Variants in RNF24 observed in about 807,000 individuals in gnomAD.
RNF24 encodes the protein ring finger protein 24.
A neutral mutation model predicts 20.0 loss-of-function variants in RNF24; 14 were observed. The ratio of observed to expected loss-of-function variants is 0.70; its 90% CI spans 0.46 to 1.10. RNF24 has a LOEUF of 1.10. Among genes scored for constraint, RNF24 ranks in the 50% least tolerant of loss-of-function variants. RNF24 has a pLI of 0.00. For synonymous variants in RNF24, 45 were observed against 61.1 expected (o/e 0.74, Z 1.23); for missense variants, 124 against 177.6 (o/e 0.70, Z 1.71).
At chr20:3,992,861 T>C (rs565597233) in intron 1 of RNF24, among the ~76,000 whole-genome samples, 4 of 152,356 alleles carry the variant, frequency 2.6e-5, no homozygotes, top group African/African-American at 7.2e-5. Context: ...TTGTATTAAA[T>C]AGACTACAGT....
chr20:3,987,176 TA>T (rs764870929), intron 1 of RNF24, among the ~76,000 whole-genome samples: 8 of 152,128 alleles, frequency 5.3e-5, no homozygotes, highest in African/African-American at 1.2e-4. Context: ...GAATATGGGT[TA>T]GGGGGAAACA....
chr20:3,953,759 G>T (rs1414582834), intron 2 of RNF24, among the ~76,000 whole-genome samples: 6 of 138,608 alleles, frequency 4.3e-5, no homozygotes, highest in African/African-American at 5.3e-5. Context: ...TCTTGTAGTA[G>T]TTTTTTTTTT....
chr20:3,939,928 G>A (rs796262628), intron 4 of RNF24, among the ~76,000 whole-genome samples: 2 of 151,580 alleles, frequency 1.3e-5, no homozygotes, highest in Non-Finnish European at 2.9e-5. Context: ...TTATTCCTAG[G>A]TATCTTATTT....
At chr20:4,002,762 G>A (rs1256096898) in intron 1 of RNF24, among the ~76,000 whole-genome samples, 2 of 152,162 alleles carry the variant, frequency 1.3e-5, no homozygotes, top group East Asian at 3.9e-4. Context: ...ATCAACAGTA[G>A]ATAAAATACA....
chr20:3,933,860 G>A lies in RNF24; in HGVS notation c.*203C>T. ...AGGCTCATCCACTCCTCTTCTCTCGGCAGGGGGTAGTGTCAAAGTGCTTTG... is the reference window on the plus strand; with the variant it reads ...AGGCTCATCCACTCCTCTTCTCTCGACAGGGGGTAGTGTCAAAGTGCTTTG... On this transcript the variant is annotated 3_prime_UTR_variant, in exon 6 of 6. Coordinates refer to ENST00000358395, the MANE Select transcript of RNF24 (RefSeq NM_001134337.3). The A allele has an allele frequency of 2.5e-6, 1 of 403,574 alleles. No homozygotes were observed. Among genetic ancestry groups the A allele is most frequent in the Admixed American group, 4.4e-5 (1 of 22,520 alleles). 25.0% of individuals were successfully genotyped at this position (403,574 alleles called of 1,614,324 possible). A position where few individuals can be genotyped will look rare whatever the true frequency, so the allele number is the denominator to read the frequency against.
intron 1 of RNF24, among the ~76,000 whole-genome samples, chr20:3,980,336 C>T (rs1315692371): frequency 6.6e-6 from 1 of 152,118 alleles, no homozygotes; most frequent in Non-Finnish European, 1.5e-5. Context: ...CCTGAAAACC[C>T]GGATAGCACC....
At chr20:3,989,145 T>C (rs1210452209) in intron 1 of RNF24, among the ~76,000 whole-genome samples, 1 of 152,124 alleles carries the variant, frequency 6.6e-6, no homozygotes, top group Admixed American at 6.5e-5. Flanking sequence ...AAAAGGCTAA[T>C]TCTAGTTTAA....
intron 3 of RNF24, among the ~76,000 whole-genome samples, chr20:3,946,693 CAAAAAA>C (rs59440287): frequency 9.6e-6 from 1 of 104,428 alleles, no homozygotes; most frequent in Non-Finnish European, 1.9e-5. Context: ...GAGACCCCGT[CAAAAAA>C]AAAAAAAAAA....
Position 3,961,292 on chromosome 20 carries a change from C to T in RNF24, c.143+2583G>A, listed in dbSNP as rs140545318. Among the ~76,000 whole-genome samples the T allele has an allele frequency of 9.2e-5, 14 of 151,786 alleles. No homozygotes were observed. In the East Asian group the frequency reaches 2.7e-3, roughly 29 times the overall value. On this transcript the variant is annotated intron_variant, in intron 2 of 5. Coordinates refer to ENST00000358395, the MANE Select transcript of RNF24 (RefSeq NM_001134337.3). ...TGGTGGGTGTCTAGAGTCCCAGCTA[C>T]TCAGGAGGCTGAGATGGGAGGATCA...
intron 3 of RNF24, 34 bp downstream of exon 3, chr20:3,948,203 A>G (rs1453492018): frequency 6.5e-7 from 1 of 1,537,058 alleles, no homozygotes; most frequent in Non-Finnish European, 8.8e-7. Flanking sequence ...GGGGGAAAAA[A>G]AAAATCAAAG....
At chr20:3,978,377 T>C (rs1213483395) in intron 1 of RNF24, among the ~76,000 whole-genome samples, 1 of 90,418 alleles carries the variant, frequency 1.1e-5, no homozygotes, top group Non-Finnish European at 2.5e-5. Context: ...TTAATGTATA[T>C]TTCAAAATAG....
chr20:3,948,390 G>T, intron 2 of RNF24, 111 bp from the exon 3 acceptor site: 1 of 715,030 alleles, frequency 1.4e-6, no homozygotes. Context: ...TGGCTCAAAT[G>T]ATATAAATTA....
intron 1 of RNF24, among the ~76,000 whole-genome samples, chr20:3,985,754 G>C (rs1374190091): frequency 6.7e-6 from 1 of 149,292 alleles, no homozygotes; most frequent in African/African-American, 2.5e-5. Context: ...GCCCAGGCTG[G>C]AGTGCAATGG....
chr20:3,958,514 AT>A (rs1181677909), intron 2 of RNF24, among the ~76,000 whole-genome samples: 2 of 152,224 alleles, frequency 1.3e-5, no homozygotes, highest in Non-Finnish European at 2.9e-5. Context: ...AAGATTAAGG[AT>A]GCAAAACCTT....
rs371934859 is a variant in RNF24, at chr20:3,980,241, C to A, written c.-7-16217G>T. On this transcript the variant is annotated intron_variant, in intron 1 of 5. Transcript: ENST00000358395. Reference sequence around the variant, plus strand: ...CCAATGGCAATGAAAGTGGAACTCGCTAAACTTGCATAGATAAGTAGTCTG... The same window carrying A: ...CCAATGGCAATGAAAGTGGAACTCGATAAACTTGCATAGATAAGTAGTCTG... 5.3e-4 allele frequency among the ~76,000 whole-genome samples: 80 copies of A among 152,290 alleles called. No homozygotes were observed. In the South Asian group the frequency reaches 0.017, roughly 32 times the overall value.
At chr20:3,965,155 G>T (rs1483012589) in intron 1 of RNF24, among the ~76,000 whole-genome samples, 11 of 152,016 alleles carry the variant, frequency 7.2e-5, no homozygotes, top group Non-Finnish European at 1.6e-4. Context: ...TTCCTGCCAG[G>T]CCTGCTTATT....
At chr20:3,986,322 C>T (rs555613095) in intron 1 of RNF24, among the ~76,000 whole-genome samples, 2 of 152,172 alleles carry the variant, frequency 1.3e-5, no homozygotes, top group Non-Finnish European at 2.9e-5. Context: ...TGCAATCATA[C>T]CTCACTGCAG....
At chr20:4,014,507 C>G (rs188143027) in intron 1 of RNF24, among the ~76,000 whole-genome samples, 17 of 152,218 alleles carry the variant, frequency 1.1e-4, no homozygotes, top group Non-Finnish European at 2.1e-4. Context: ...TTACCATTAA[C>G]TAAGCCCAAA....
chr20:3,996,632 G>A (rs1980888177), intron 1 of RNF24, among the ~76,000 whole-genome samples: 1 of 152,082 alleles, frequency 6.6e-6, no homozygotes, highest in Admixed American at 6.5e-5. Context: ...ACACTTCCTA[G>A]CCTTCCTTGC....
Sources: allele counts gnomAD v4.1 joint callset (sites outside exome capture counted in the v4.1 genomes callset), GRCh38; gene constraint gnomAD v4.1.1; transcripts MANE v1.5; gene names NCBI Gene and HGNC (gene_info 2026-07-23, HGNC 2026-07-21).